Variants in PIAS4 observed in about 807,000 individuals in gnomAD.
PIAS4 encodes the protein protein inhibitor of activated STAT 4.
A neutral mutation model predicts 58.0 loss-of-function variants in PIAS4; 7 were observed. That is an observed-to-expected ratio of 0.12 (90% CI 0.07 to 0.23). PIAS4 has a LOEUF of 0.23. Among genes scored for constraint, PIAS4 ranks in the 10% least tolerant of loss-of-function variants. PIAS4 has a pLI of 1.00. For missense variants in PIAS4, 550 were observed against 709.5 expected, an observed-to-expected ratio of 0.78 and a Z score of 2.55; for synonymous variants, 364 against 312.4, an observed-to-expected ratio of 1.17 and a Z score of -1.74.
At chr19:4,033,752 G>A (rs1039841269) in intron 9 of PIAS4, among the ~76,000 whole-genome samples, 172 bp downstream of exon 9, 5 of 152,146 alleles carry the variant, frequency 3.3e-5, no homozygotes, top group Non-Finnish European at 2.9e-5. Context: ...TCTTTCTCGC[G>A]GAACTTCTCA....
chr19:4,010,767 C>T (rs113506465), intron 1 of PIAS4, among the ~76,000 whole-genome samples: 1,574 of 152,340 alleles, frequency 0.01, 15 homozygotes, highest in Middle Eastern at 0.02. Flanking sequence ...GTGAAATTAG[C>T]GACACAGGCC....
chr19:4,034,764 A>G (rs908853065), intron 9 of PIAS4, among the ~76,000 whole-genome samples: 3 of 152,226 alleles, frequency 2.0e-5, no homozygotes, highest in East Asian at 3.9e-4. Flanking sequence ...GCTGTGTCCC[A>G]TGCAGGCCTT....
At chr19:4,036,115 T>C (rs1339243974) in intron 9 of PIAS4, among the ~76,000 whole-genome samples, 1 of 115,718 alleles carries the variant, frequency 8.6e-6, no homozygotes, top group African/African-American at 3.0e-5. Flanking sequence ...CACACACACA[T>C]CTATACAGTC....
At chr19:4,010,514 A>G (rs2039982481) in intron 1 of PIAS4, among the ~76,000 whole-genome samples, 1 of 152,258 alleles carries the variant, frequency 6.6e-6, no homozygotes, top group Non-Finnish European at 1.5e-5. Context: ...AAGTCAGGCC[A>G]AGGGAGATGA....
chr19:4,028,100 C>T, intron 3 of PIAS4, 46 bp from the exon 4 acceptor site: 1 of 1,597,026 alleles, frequency 6.3e-7, no homozygotes, highest in Non-Finnish European at 8.6e-7. Flanking sequence ...ACGCCCTCCT[C>T]ACTCAGCTCT....
intron 9 of PIAS4, among the ~76,000 whole-genome samples, chr19:4,034,238 C>T (rs10422840): frequency 0.054 from 8,203 of 152,294 alleles, 731 homozygotes; most frequent in African/African-American, 0.19. Context: ...CACAAGCTGG[C>T]GCCCTCACAG....
At chr19:4,024,418 G>A (rs1034788783) in intron 3 of PIAS4, among the ~76,000 whole-genome samples, 9 of 152,328 alleles carry the variant, frequency 5.9e-5, no homozygotes, top group Non-Finnish European at 1.0e-4. Flanking sequence ...TGCAGGGAGC[G>A]GAGGAGCATT....
In PIAS4 at chr19:4,025,855, C is replaced by T. The variant is rs916419010; in HGVS notation, c.539+1735C>T. Among the ~76,000 whole-genome samples the T allele has an allele frequency of 3.3e-5, 5 of 152,052 alleles. No individual in the cohort carries two copies. In the East Asian group the frequency reaches 5.9e-4, roughly 18 times the overall value. On this transcript the variant is annotated intron_variant, in intron 3 of 10. Transcript: ENST00000262971. ...TTGGGAGGCCAAGGCAGGTGGATCACGAGGTCAGAAGATCGAGACCATCTT... is the reference window on the plus strand; with the variant it reads ...TTGGGAGGCCAAGGCAGGTGGATCATGAGGTCAGAAGATCGAGACCATCTT...
intron 2 of PIAS4, among the ~76,000 whole-genome samples, chr19:4,023,673 G>A (rs896804484): frequency 6.6e-6 from 1 of 152,190 alleles, no homozygotes; most frequent in African/African-American, 2.4e-5. Flanking sequence ...TTTGTGCTCA[G>A]GAGAGAGGAG....
At chr19:4,009,846 T>G (rs1442207249) in intron 1 of PIAS4, among the ~76,000 whole-genome samples, 3 of 152,130 alleles carry the variant, frequency 2.0e-5, no homozygotes, top group Non-Finnish European at 4.4e-5. Flanking sequence ...AATCTGAGAC[T>G]CTCAGCTTGA....
chr19:4,015,348 C>T (rs2040041361), intron 2 of PIAS4, among the ~76,000 whole-genome samples: 1 of 152,152 alleles, frequency 6.6e-6, no homozygotes, highest in Non-Finnish European at 1.5e-5. Context: ...TCCCACAATA[C>T]ATCGCTGTGC....
intron 1 of PIAS4, among the ~76,000 whole-genome samples, chr19:4,009,722 C>T (rs1034380051): frequency 3.3e-5 from 5 of 152,310 alleles, no homozygotes; most frequent in Non-Finnish European, 4.4e-5. Flanking sequence ...ACATCCCCTT[C>T]TTTACAGGGG....
chr19:4,014,404 C>T (rs890562433), intron 2 of PIAS4, among the ~76,000 whole-genome samples: 4 of 152,258 alleles, frequency 2.6e-5, no homozygotes, highest in East Asian at 1.9e-4. Flanking sequence ...CAGCCCCAGC[C>T]CCCAGGGCAG....
At chr19:4,031,736 C>T (rs2040224578) in intron 7 of PIAS4, among the ~76,000 whole-genome samples, 1 of 152,188 alleles carries the variant, frequency 6.6e-6, no homozygotes, top group Non-Finnish European at 1.5e-5. Flanking sequence ...GCCCCAGGCT[C>T]AGCCTCTCTG....
intron 7 of PIAS4, among the ~76,000 whole-genome samples, chr19:4,032,361 TG>T (rs1445330959): frequency 6.6e-6 from 1 of 152,068 alleles, no homozygotes; most frequent in Non-Finnish European, 1.5e-5. Context: ...CTGCCCCCCA[TG>T]GCCCAGGGCT....
intron 1 of PIAS4, among the ~76,000 whole-genome samples, chr19:4,011,634 G>C (rs899097711): frequency 6.6e-6 from 1 of 151,904 alleles, no homozygotes; most frequent in South Asian, 2.1e-4. Context: ...ACGTGTGGAG[G>C]TGTGTTTGGT....
intron 2 of PIAS4, chr19:4,018,746 A>T: frequency 6.6e-6 from 1 of 152,308 alleles, no homozygotes; most frequent in South Asian, 2.1e-4. Flanking sequence ...GGTTTGGAGA[A>T]AAGTGAGGTG....
chr19:4,018,511 C>T (rs2040074879), intron 2 of PIAS4: 1 of 152,264 alleles, frequency 6.6e-6, no homozygotes, highest in South Asian at 2.1e-4. Flanking sequence ...GAGCACCTCA[C>T]CCCAGAACCG....
chr19:4,037,764 G>A lies in PIAS4; in HGVS notation c.1422G>A (p.Ser474=), dbSNP rs555099432. ...DVVDLTLDSS[S]SSEDEEEEEE... ...TGGACCTCACGCTGGACAGCTCATC[G>A]TCCTCGGAGGATGAGGAGGAGGAGG... is the stretch of plus-strand genomic sequence containing the variant. Residue 474 remains serine (S), a synonymous_variant, in exon 11 of 11, where the codon TCG becomes TCA. Transcript: ENST00000262971. This position sits in a 1 kb window ranked among gnomAD's most constrained non-coding sequence, Gnocchi z 5.8. 39 of 1,607,402 alleles carry A rather than the reference G, an allele frequency of 2.4e-5. No individual in the cohort carries two copies. Among genetic ancestry groups the A allele is most frequent in the Middle Eastern group, 1.7e-4 (1 of 6,058 alleles).
Sources: allele counts gnomAD v4.1 joint callset (sites outside exome capture counted in the v4.1 genomes callset), GRCh38; gene constraint gnomAD v4.1.1; non-coding constraint Gnocchi (gnomAD v3.1); transcripts MANE v1.5; gene names NCBI Gene and HGNC (gene_info 2026-07-23, HGNC 2026-07-21).